PDE4D: variants seen among roughly 807,000 people sequenced by gnomAD.
PDE4D encodes the protein phosphodiesterase 4D.
Under a neutral mutation model 87.4 loss-of-function variants are expected in PDE4D, and 24 were observed. The observed-to-expected ratio is 0.27, with a 90% CI of 0.20 to 0.39. The LOEUF (loss-of-function observed/expected upper bound fraction) is 0.39. Ranked by LOEUF, PDE4D falls within the 10% of genes least tolerant of loss-of-function variation. PDE4D has a pLI of 1.00. For synonymous variants in PDE4D, 384 were observed against 383.2 expected (o/e 1.00, Z -0.02); for missense variants, 714 against 1,041.0 (o/e 0.69, Z 4.32).
intron 1 of PDE4D, among the ~76,000 whole-genome samples, chr5:60,476,287 G>GAT (rs1403967350): frequency 6.6e-6 from 1 of 152,198 alleles, no homozygotes; most frequent in Non-Finnish European, 1.5e-5. Flanking sequence ...TACTTTGGGA[G>GAT]ATACTTCTCC....
chr5:59,101,747 A>C (rs1351328308), intron 5 of PDE4D, among the ~76,000 whole-genome samples: 1 of 152,030 alleles, frequency 6.6e-6, no homozygotes, highest in Non-Finnish European at 1.5e-5. Context: ...TACCAGTCCA[A>C]TAAGACAAAA....
intron 6 of PDE4D, among the ~76,000 whole-genome samples, chr5:59,013,523 A>T (rs796181021): frequency 7.9e-5 from 12 of 151,666 alleles, no homozygotes; most frequent in Admixed American, 7.9e-4. Context: ...ACACCTCTAC[A>T]CAAATAAACT....
chr5:59,804,309 A>C (rs1767496834), intron 1 of PDE4D, among the ~76,000 whole-genome samples: 2 of 152,232 alleles, frequency 1.3e-5, no homozygotes, highest in Non-Finnish European at 2.9e-5. Context: ...TCTTAGAATA[A>C]ATGGCCTCCA....
chr5:59,466,301 C>A (rs1015669323), intron 1 of PDE4D, among the ~76,000 whole-genome samples: 1 of 152,140 alleles, frequency 6.6e-6, no homozygotes, highest in African/African-American at 2.4e-5. Flanking sequence ...TTCAGCTCAC[C>A]CAATCTGCTA....
intron 5 of PDE4D, chr5:59,125,192 G>T: frequency 1.6e-6 from 1 of 643,958 alleles, no homozygotes; most frequent in Non-Finnish European, 1.9e-6. Flanking sequence ...GGCTCATTAA[G>T]CTAGAGTTAG....
At chr5:59,408,187 G>A (rs1462256655) in intron 1 of PDE4D, among the ~76,000 whole-genome samples, 1 of 152,162 alleles carries the variant, frequency 6.6e-6, no homozygotes. Context: ...TAAGCACAGG[G>A]CACCACTACA....
intron 1 of PDE4D, among the ~76,000 whole-genome samples, chr5:59,445,954 A>G (rs1161134098): frequency 1.3e-5 from 2 of 152,224 alleles, no homozygotes; most frequent in Admixed American, 1.3e-4. Context: ...TTGAGTAGCT[A>G]TAAATGAATT....
At chr5:60,097,953 G>A (rs1213977882) in intron 2 of PDE4D, among the ~76,000 whole-genome samples, 1 of 151,992 alleles carries the variant, frequency 6.6e-6, no homozygotes, top group Non-Finnish European at 1.5e-5. Flanking sequence ...TGGGTGTGAA[G>A]TGAGATTACT....
chr5:60,422,368 G>C (rs941353078), intron 1 of PDE4D, among the ~76,000 whole-genome samples: 1 of 152,170 alleles, frequency 6.6e-6, no homozygotes, highest in Non-Finnish European at 1.5e-5. Context: ...TTATAAGACA[G>C]AAAAGAGTGG....
intron 1 of PDE4D, among the ~76,000 whole-genome samples, chr5:59,611,683 C>T (rs1355628553): frequency 6.6e-6 from 1 of 152,116 alleles, no homozygotes; most frequent in Non-Finnish European, 1.5e-5. Flanking sequence ...TCAGGATAGA[C>T]ACAAGAACAA....
At chr5:60,411,278 A>T (rs1742020898) in intron 1 of PDE4D, among the ~76,000 whole-genome samples, 1 of 152,246 alleles carries the variant, frequency 6.6e-6, no homozygotes, top group African/African-American at 2.4e-5. Flanking sequence ...AAATAGTTAC[A>T]ACTGGTAGCT....
At chr5:59,676,179 G>C (rs889522517) in intron 1 of PDE4D, among the ~76,000 whole-genome samples, 2 of 152,076 alleles carry the variant, frequency 1.3e-5, no homozygotes, top group Non-Finnish European at 2.9e-5. Flanking sequence ...AGCAAGGAGA[G>C]TGCAAACTGC....
intron 1 of PDE4D, among the ~76,000 whole-genome samples, chr5:60,193,441 C>G (rs969543143): frequency 6.6e-6 from 1 of 151,932 alleles, no homozygotes; most frequent in Non-Finnish European, 1.5e-5. Flanking sequence ...GAGGCCGAGG[C>G]GGGTGGATCA....
intron 3 of PDE4D, among the ~76,000 whole-genome samples, chr5:59,943,124 A>G (rs1006925739): frequency 6.6e-6 from 1 of 152,166 alleles, no homozygotes; most frequent in African/African-American, 2.4e-5. Context: ...TTTGAGTCTC[A>G]TGGAAAGTAT....
rs1167840592 is a variant in PDE4D, at chr5:58,976,345, T to C, written c.1830+5A>G. The stretch of plus-strand genomic sequence containing the variant: ...CACACAGAGCAAACTCAAACAAGGC[T>C]TTACCTGAATCCTATCGGAATAATT... On this transcript the variant is annotated splice_donor_5th_base_variant and intron_variant, in intron 13 of 14. Coordinates refer to ENST00000340635, the MANE Select transcript of PDE4D (RefSeq NM_001104631.2). 1.2e-6 allele frequency: 2 copies of C among 1,611,512 alleles called. No homozygotes were observed. Among genetic ancestry groups the C allele is most frequent in the African/African-American group, 2.7e-5 (2 of 74,960 alleles).
At position 58,970,119 on chromosome 5, in the gene PDE4D, A is replaced by T. The variant is rs1742361244; in HGVS notation, c.*4545T>A. The T allele has an allele frequency of 1.3e-5, 2 of 152,184 alleles. 1 individual carries two copies. The highest frequency in any genetic ancestry group is 1.3e-4 in the Admixed American group (2 of 15,256). 9.4% of individuals were successfully genotyped at this position (152,184 alleles called of 1,614,324 possible). A position where few individuals can be genotyped will look rare whatever the true frequency, so the allele number is the denominator to read the frequency against. ...TATTTTCATTGCATATAAAAATTTC[A>T]TATGAAGGTATTGATGTACAGTACT... On this transcript the variant is annotated 3_prime_UTR_variant, in exon 15 of 15. Transcript: ENST00000340635.
At chr5:60,158,148 T>C (rs1403415975) in intron 2 of PDE4D, among the ~76,000 whole-genome samples, 2 of 152,200 alleles carry the variant, frequency 1.3e-5, no homozygotes. Flanking sequence ...AATTAAAATA[T>C]GTTCTAAGAT....
At chr5:59,939,595 G>T (rs1302419835) in intron 3 of PDE4D, among the ~76,000 whole-genome samples, 4 of 152,146 alleles carry the variant, frequency 2.6e-5, no homozygotes, top group African/African-American at 9.7e-5. Context: ...CTGAGGAAGA[G>T]ATTTCTGAGC....
intron 1 of PDE4D, among the ~76,000 whole-genome samples, chr5:60,368,371 A>T (rs547139307): frequency 6.6e-6 from 1 of 152,228 alleles, no homozygotes; most frequent in East Asian, 1.9e-4. Flanking sequence ...CACGATATTA[A>T]GTTTCACTGG....
Sources: allele counts gnomAD v4.1 joint callset (sites outside exome capture counted in the v4.1 genomes callset), GRCh38; gene constraint gnomAD v4.1.1; transcripts MANE v1.5; gene names NCBI Gene and HGNC (gene_info 2026-07-23, HGNC 2026-07-21).